The following SYTL3 variants were observed in gnomAD, a reference collection of about 807,000 sequenced individuals.
The protein encoded by SYTL3 is synaptotagmin like 3.
A neutral mutation model predicts 82.1 loss-of-function variants in SYTL3; 88 were observed. The observed-to-expected ratio is 1.07, with a 90% CI of 0.90 to 1.28. SYTL3 has a LOEUF of 1.28. Among genes scored for constraint, SYTL3 ranks in the 50% most tolerant of loss-of-function variants. The pLI is 0.00. For missense variants in SYTL3, 831 were observed against 757.6 expected, an observed-to-expected ratio of 1.10 and a Z score of -1.14; for synonymous variants, 311 against 289.4, an observed-to-expected ratio of 1.07 and a Z score of -0.76.
At chr6:158,753,582 T>C (rs1363721670) in intron 13 of SYTL3, among the ~76,000 whole-genome samples, 1 of 150,814 alleles carries the variant, frequency 6.6e-6, no homozygotes, top group Non-Finnish European at 1.5e-5. Flanking sequence ...TACAAAAAAT[T>C]AGCCGGGCGT....
At chr6:158,681,845 C>G (rs150659599) in intron 5 of SYTL3, among the ~76,000 whole-genome samples, 1 of 152,222 alleles carries the variant, frequency 6.6e-6, no homozygotes, top group Non-Finnish European at 1.5e-5. Context: ...TAACCTACAG[C>G]TGATCTCCCT....
chr6:158,660,147 C>T (rs1789195764), intron 2 of SYTL3, among the ~76,000 whole-genome samples: 1 of 152,130 alleles, frequency 6.6e-6, no homozygotes, highest in Non-Finnish European at 1.5e-5. Context: ...CACCTGTAAT[C>T]CCAGCTACTC....
chr6:158,669,669 T>C (rs1411601480), intron 5 of SYTL3, among the ~76,000 whole-genome samples: 1 of 152,206 alleles, frequency 6.6e-6, no homozygotes, highest in Non-Finnish European at 1.5e-5. Flanking sequence ...GTGTGTTCGG[T>C]TGAAAAATTG....
intron 14 of SYTL3, among the ~76,000 whole-genome samples, chr6:158,758,645 C>T (rs1283768531): frequency 6.6e-6 from 1 of 152,102 alleles, no homozygotes; most frequent in Non-Finnish European, 1.5e-5. Context: ...CCACCTGCCC[C>T]CTCCCTGCTC....
At chr6:158,707,194 TTAATAA>T (rs748197982) in intron 6 of SYTL3, 30 bp from the exon 7 acceptor site, 1 of 1,606,836 alleles carries the variant, frequency 6.2e-7, no homozygotes, top group Admixed American at 1.7e-5. Context: ...AGTGCTATTC[TTAATAA>T]TAAACGCCCT....
At chr6:158,725,971 C>G in intron 11 of SYTL3, 1 of 670,652 alleles carries the variant, frequency 1.5e-6, no homozygotes, top group Non-Finnish European at 2.8e-6. Context: ...CAGCTTCTTC[C>G]AAGTGGTTGG....
intron 13 of SYTL3, among the ~76,000 whole-genome samples, chr6:158,753,915 A>AG: frequency 5.9e-5 from 9 of 151,806 alleles, no homozygotes; most frequent in East Asian, 1.9e-4. Flanking sequence ...TCTCTAATTG[A>AG]TCCTAAATGC....
At chr6:158,729,009 C>T (rs374313194) in intron 11 of SYTL3, among the ~76,000 whole-genome samples, 10 of 152,286 alleles carry the variant, frequency 6.6e-5, no homozygotes, top group South Asian at 2.1e-4. Context: ...ACCAAGATCA[C>T]GCCACTGCAC....
intron 10 of SYTL3, among the ~76,000 whole-genome samples, chr6:158,723,089 CTTT>C (rs745395918): frequency 0.12 from 10,535 of 88,776 alleles, 345 homozygotes; most frequent in African/African-American, 0.19. Context: ...AACAGCTACT[CTTT>C]TTTTTTTTTT....
At chr6:158,684,886 G>A (rs1779123372) in intron 6 of SYTL3, among the ~76,000 whole-genome samples, 1 of 150,932 alleles carries the variant, frequency 6.6e-6, no homozygotes, top group South Asian at 2.1e-4. Flanking sequence ...TAAGGGTCAT[G>A]TCAGGCAATG....
chr6:158,668,773 G>A (rs559943893), intron 5 of SYTL3, among the ~76,000 whole-genome samples: 1 of 152,282 alleles, frequency 6.6e-6, no homozygotes, highest in African/African-American at 2.4e-5. Flanking sequence ...GAAAAGGGGA[G>A]GATGGACCTT....
At chr6:158,681,189 CAT>C (rs1778650522) in intron 5 of SYTL3, among the ~76,000 whole-genome samples, 1 of 152,146 alleles carries the variant, frequency 6.6e-6, no homozygotes, top group Non-Finnish European at 1.5e-5. Context: ...ATAATATTTA[CAT>C]GTTTGCCTTT....
At chr6:158,691,302 A>G (rs113352823) in intron 6 of SYTL3, among the ~76,000 whole-genome samples, 15,955 of 151,886 alleles carry the variant, frequency 0.11, 1,080 homozygotes, top group African/African-American at 0.17. Flanking sequence ...AGCCAAGATC[A>G]TGCCACTGCA....
chr6:158,652,007 A>C (rs1225094902), intron 2 of SYTL3, among the ~76,000 whole-genome samples, 165 bp downstream of exon 2: 1 of 148,412 alleles, frequency 6.7e-6, no homozygotes, highest in African/African-American at 2.5e-5. Context: ...GGTTCACTGC[A>C]ACCCCTGCCT....
chr6:158,712,447 C>T (rs1337731691), intron 8 of SYTL3, among the ~76,000 whole-genome samples: 1 of 152,152 alleles, frequency 6.6e-6, no homozygotes, highest in Admixed American at 6.5e-5. Context: ...TCCACGAGTC[C>T]ACCCCTTGTC....
intron 5 of SYTL3, among the ~76,000 whole-genome samples, chr6:158,682,355 CTTT>C (rs61526522): frequency 2.0e-4 from 21 of 106,826 alleles, no homozygotes; most frequent in African/African-American, 7.2e-4. Context: ...TTAACATTCA[CTTT>C]TTTTTTTTTT....
At chr6:158,690,629 A>G (rs2128419956) in intron 6 of SYTL3, among the ~76,000 whole-genome samples, 1 of 152,350 alleles carries the variant, frequency 6.6e-6, no homozygotes, top group East Asian at 1.9e-4. Context: ...AAAACAAGAA[A>G]AAATGAGCCT....
intron 12 of SYTL3, among the ~76,000 whole-genome samples, chr6:158,748,077 T>G (rs976931991): frequency 7.8e-6 from 1 of 128,476 alleles, no homozygotes; most frequent in Non-Finnish European, 1.6e-5. Flanking sequence ...CTTATCGTTT[T>G]TTTTTTTTTT....
At chr6:158,668,808 G>C (rs895228058) in intron 5 of SYTL3, among the ~76,000 whole-genome samples, 1 of 152,172 alleles carries the variant, frequency 6.6e-6, no homozygotes, top group African/African-American at 2.4e-5. Context: ...AAAGAGAAAG[G>C]TGAAAAGTGA....
Sources: gnomAD v4.1 joint callset for allele counts (sites outside exome capture counted in the v4.1 genomes callset) on GRCh38, gnomAD v4.1.1 for gene constraint, MANE v1.5 for transcripts, NCBI Gene and HGNC (gene_info 2026-07-23, HGNC 2026-07-21) for gene names.